KAZN: variants seen among roughly 807,000 people sequenced by gnomAD.
KAZN encodes kazrin, periplakin interacting protein, also known as kazrin.
KAZN carries 40 observed loss-of-function variants against 87.4 expected under a neutral mutation model. The ratio of observed to expected loss-of-function variants is 0.46; its 90% CI spans 0.36 to 0.60. The LOEUF (loss-of-function observed/expected upper bound fraction) is 0.60. KAZN is among the 20% of genes least tolerant of loss of function. The probability of loss-of-function intolerance (pLI) is 0.00; values close to 1 mark genes in which losing one functional copy is unlikely to be tolerated. For missense variants in KAZN, 898 were observed against 1,073.9 expected, an observed-to-expected ratio of 0.84 and a Z score of 2.29; for synonymous variants, 466 against 458.3, an observed-to-expected ratio of 1.02 and a Z score of -0.22.
At chr1:13,943,979 A>G (rs994595116) in intron 1 of KAZN, among the ~76,000 whole-genome samples, 1 of 151,412 alleles carries the variant, frequency 6.6e-6, no homozygotes, top group Non-Finnish European at 1.5e-5. Flanking sequence ...GCACTTACTA[A>G]AAAAGGTAAA....
intron 1 of KAZN, among the ~76,000 whole-genome samples, chr1:14,647,548 C>G (rs1330906771): frequency 6.6e-6 from 1 of 152,120 alleles, no homozygotes; most frequent in Non-Finnish European, 1.5e-5. Flanking sequence ...GGGTTGCAGA[C>G]TCTGGGCTGG....
At chr1:14,805,231 G>A (rs997775804) in intron 1 of KAZN, among the ~76,000 whole-genome samples, 1 of 152,176 alleles carries the variant, frequency 6.6e-6, no homozygotes, top group Non-Finnish European at 1.5e-5. Context: ...GCCCCATGAG[G>A]TTGTCCAGAG....
At chr1:14,169,266 C>A (rs1001423676) in intron 1 of KAZN, among the ~76,000 whole-genome samples, 1 of 152,080 alleles carries the variant, frequency 6.6e-6, no homozygotes, top group Non-Finnish European at 1.5e-5. Context: ...TGGGTCCTTA[C>A]CATGTCATTC....
chr1:14,584,191 G>A (rs804203), intron 2 of KAZN, among the ~76,000 whole-genome samples: 4,194 of 152,298 alleles, frequency 0.028, 202 homozygotes, highest in African/African-American at 0.097. Context: ...GGGGCTGGGC[G>A]TATACACAAG....
At chr1:14,591,508 A>G (rs938305928) in intron 2 of KAZN, among the ~76,000 whole-genome samples, 1 of 152,042 alleles carries the variant, frequency 6.6e-6, no homozygotes, top group Non-Finnish European at 1.5e-5. Flanking sequence ...GGAATTAGAG[A>G]CTTTAAGTAT....
intron 1 of KAZN, among the ~76,000 whole-genome samples, chr1:14,873,110 A>G (rs867463044): frequency 1.1e-5 from 1 of 88,822 alleles, no homozygotes; most frequent in Non-Finnish European, 2.4e-5. Flanking sequence ...ATGGACAGAT[A>G]GATGAATGGA....
At chr1:14,408,276 T>C (rs1664028063) in intron 2 of KAZN, among the ~76,000 whole-genome samples, 1 of 152,226 alleles carries the variant, frequency 6.6e-6, no homozygotes, top group African/African-American at 2.4e-5. Context: ...TTTTGGTTTT[T>C]AGAACATCAC....
chr1:14,591,876 T>C (rs1222896815), intron 2 of KAZN, among the ~76,000 whole-genome samples: 1 of 152,208 alleles, frequency 6.6e-6, no homozygotes, highest in East Asian at 1.9e-4. Context: ...CTGCTGGCTG[T>C]CTCTTTAAGC....
Position 14,278,206 on chromosome 1 carries a change from A to G in KAZN, c.249+97614A>G, listed in dbSNP as rs111689492. ...AAAAAAAAAACAGAGATGCCAGGAA[A>G]TTCTCAGAGATTCATGTCTAAATGA... On this transcript the variant is annotated intron_variant, in intron 2 of 16. Transcript: ENST00000636203. Among the ~76,000 whole-genome samples the G allele has an allele frequency of 6.4e-3, 969 of 151,498 alleles. 11 individuals carry two copies. Among genetic ancestry groups the G allele is most frequent in the African/African-American group, 0.022 (912 of 41,188 alleles).
At chr1:14,537,873 T>C (rs1451387231) in intron 2 of KAZN, among the ~76,000 whole-genome samples, 1 of 152,214 alleles carries the variant, frequency 6.6e-6, no homozygotes, top group South Asian at 2.1e-4. Context: ...CATGCCCTCA[T>C]GTTCAAGCCT....
chr1:14,386,025 A>G (rs1483409782), intron 2 of KAZN, among the ~76,000 whole-genome samples: 1 of 151,944 alleles, frequency 6.6e-6, no homozygotes, highest in East Asian at 1.9e-4. Flanking sequence ...TTTTTAGGAT[A>G]GTTAGCTCTT....
intron 2 of KAZN, among the ~76,000 whole-genome samples, chr1:14,544,880 C>T (rs1673045282): frequency 6.6e-6 from 1 of 152,040 alleles, no homozygotes; most frequent in Admixed American, 6.6e-5. Context: ...CCCTTGGCTT[C>T]TGATGCCCAG....
chr1:14,658,091 G>A (rs1044223282), intron 1 of KAZN, among the ~76,000 whole-genome samples: 7 of 152,174 alleles, frequency 4.6e-5, no homozygotes, highest in South Asian at 2.1e-4. Flanking sequence ...GTCTTGTAGC[G>A]ACCTGTGTGC....
Position 15,092,343 on chromosome 1 carries a change from G to A in KAZN, c.1223-1837G>A, listed in dbSNP as rs1008960545. ...ACCTACCTCGGCCTCCCAAAGTGCT[G>A]GGATTACAGGCATGAGCCACTGTGC... On this transcript the variant is annotated intron_variant, in intron 8 of 14. Transcript: ENST00000376030. Among the ~76,000 whole-genome samples, 112 of 152,220 alleles carry A rather than the reference G, an allele frequency of 7.4e-4. 1 individual carries two copies. Among genetic ancestry groups the A allele is most frequent in the African/African-American group, 2.3e-3 (96 of 41,530 alleles).
At chr1:14,637,323 G>A (rs557596381) in intron 1 of KAZN, among the ~76,000 whole-genome samples, 11 of 152,322 alleles carry the variant, frequency 7.2e-5, no homozygotes, top group Non-Finnish European at 1.5e-4. Flanking sequence ...CGGGCACTGA[G>A]CTGAGTTCTT....
intron 1 of KAZN, among the ~76,000 whole-genome samples, chr1:14,049,286 A>G (rs909628460): frequency 2.0e-5 from 3 of 151,354 alleles, no homozygotes; most frequent in African/African-American, 7.3e-5. Context: ...TGGACACAAG[A>G]AGGGGAACAT....
intron 2 of KAZN, among the ~76,000 whole-genome samples, chr1:14,250,778 T>A (rs1649956664): frequency 6.6e-6 from 1 of 152,084 alleles, no homozygotes; most frequent in African/African-American, 2.4e-5. Context: ...CAACTTTTAT[T>A]ACTGAATAAA....
intron 2 of KAZN, among the ~76,000 whole-genome samples, chr1:14,313,930 A>G (rs1385637883): frequency 6.6e-6 from 1 of 152,156 alleles, no homozygotes; most frequent in Non-Finnish European, 1.5e-5. Flanking sequence ...AGCTTTTTCA[A>G]GTGGAAAATG....
rs563247191 is a variant in KAZN, at chr1:14,075,112, T to A, written c.92-105323T>A. Among the ~76,000 whole-genome samples the A allele has an allele frequency of 4.6e-5, 7 of 152,352 alleles. No individual in the cohort carries two copies. The East Asian group carries it at 1.3e-3, about 29-fold the overall frequency. On this transcript the variant is annotated intron_variant, in intron 1 of 16. Transcript: ENST00000636203. The stretch of plus-strand genomic sequence containing the variant: ...CCAGGAATGAAATATTTGGCTCATA[T>A]TGCTAATTATTTGTATTAAGTGGTT...
Sources: allele counts gnomAD v4.1 joint callset (sites outside exome capture counted in the v4.1 genomes callset), GRCh38; gene constraint gnomAD v4.1.1; transcripts MANE v1.5; gene names NCBI Gene and HGNC (gene_info 2026-07-23, HGNC 2026-07-21).